Variants in ABCA13 observed in about 807,000 individuals in gnomAD.
The protein encoded by ABCA13 is ATP-binding cassette sub-family A member 13.
ABCA13 carries 476 observed loss-of-function variants against 478.7 expected under a neutral mutation model. That is an observed-to-expected ratio of 0.99 (90% CI 0.92 to 1.07). ABCA13 has a LOEUF of 1.07. ABCA13 is among the 50% of genes least tolerant of loss of function. The pLI is 0.00. For synonymous variants in ABCA13, 2,252 were observed against 2,158.9 expected (o/e 1.04, Z -1.20); for missense variants, 6,060 against 5,910.6 (o/e 1.03, Z -0.83).
Position 48,204,651 on chromosome 7 carries a change from C to T in ABCA13, c.287+6291C>T, listed in dbSNP as rs148112919. Among the ~76,000 whole-genome samples, 206 of 152,310 alleles carry T rather than the reference C, an allele frequency of 1.4e-3. 2 individuals carry two copies. In the Middle Eastern group the frequency reaches 0.027, roughly 20 times the overall value. Reference sequence around the variant, plus strand: ...CAATGATGAGTACTCCCCTCCCCTTCCTCCGCACCTTCCACCGCATGGTCG... The same window carrying T: ...CAATGATGAGTACTCCCCTCCCCTTTCTCCGCACCTTCCACCGCATGGTCG... On this transcript the variant is annotated intron_variant, in intron 3 of 61. Transcript: ENST00000435803.
rs1345763291 is a variant in ABCA13 at position 48,350,644 on chromosome 7, A to C, written c.10206A>C (p.Gly3402=). 5.6e-6 allele frequency: 9 copies of C among 1,611,896 alleles called. No individual in the cohort carries two copies. The highest frequency in any genetic ancestry group is 1.7e-4 in the Middle Eastern group (1 of 6,040). The change falls in exon 30 of 62, where the codon GGA becomes GGC. Residue 3402 remains glycine (G), a splice_region_variant and synonymous_variant. Coordinates refer to ENST00000435803, the MANE Select transcript of ABCA13 (RefSeq NM_152701.5). ...TCCTAATCTGTTCACTTTCCTCAGGAGGGCTGCTGGATGAGATGTTTAACC... is the reference window on the plus strand; with the variant it reads ...TCCTAATCTGTTCACTTTCCTCAGGCGGGCTGCTGGATGAGATGTTTAACC... ...DKLTEKLQTY[G]GLLDEMFNHA...
At chr7:48,200,164 A>T (rs1798469579) in intron 3 of ABCA13, among the ~76,000 whole-genome samples, 1 of 152,212 alleles carries the variant, frequency 6.6e-6, no homozygotes, top group Non-Finnish European at 1.5e-5. Context: ...CAGGAGTTCA[A>T]GACCAGCCTG....
intron 25 of ABCA13, 75 bp from the exon 26 acceptor site, chr7:48,314,157 T>C: frequency 1.4e-6 from 2 of 1,473,630 alleles, no homozygotes; most frequent in Admixed American, 2.2e-5. Flanking sequence ...AGGAAGGAAC[T>C]AGACTTTCAG....
intron 48 of ABCA13, among the ~76,000 whole-genome samples, chr7:48,500,272 G>A (rs1445653614): frequency 1.3e-5 from 2 of 152,108 alleles, no homozygotes; most frequent in Non-Finnish European, 2.9e-5. Flanking sequence ...AAAGAACAAG[G>A]GGTATCATGG....
chr7:48,278,971 C>A lies in ABCA13; in HGVS notation c.7777C>A (p.Pro2593Thr). The change falls in exon 18 of 62, where the codon CCA becomes ACA. Residue 2593 changes from proline to threonine, a missense_variant. By Grantham distance (38) the Pro-to-Thr change is conservative (BLOSUM62 -1). Transcript: ENST00000435803. ...TGAAAAGATAAATGATTTGTTGGTG[C>A]CATTTCTTGACTTGGCCTTTGAAAT... is the stretch of plus-strand genomic sequence containing the variant. Reference protein sequence around the residue: ...TFEKINDLLVPFLDLAFEMIG... With the variant: ...TFEKINDLLVTFLDLAFEMIG... The A allele has an allele frequency of 1.2e-6, 2 of 1,613,284 alleles. No individual in the cohort carries two copies. The highest frequency in any genetic ancestry group is 1.7e-6 in the Non-Finnish European group (2 of 1,179,798).
chr7:48,367,811 G>T lies in ABCA13; in HGVS notation c.10706G>T (p.Gly3569Val). Residue 3569 changes from glycine (G) to valine (V), a missense_variant, in exon 32 of 62, where the codon GGT becomes GTT. Physicochemically the swap from Gly to Val is moderately radical, Grantham distance 109. This residue lies in a region of ABCA13 where 4,423 missense variants were observed against 4,309.1 expected (regional missense o/e 1.03). Coordinates refer to ENST00000435803, the MANE Select transcript of ABCA13 (RefSeq NM_152701.5). ...CCTTACAGATTCCTGAACAACGTTG[G>T]TTTCTTTTTTCCACTGATAATGATG... ...HTSDLFLNNVGFFFPLIMMLT... is the reference protein window; with the variant it reads ...HTSDLFLNNVVFFFPLIMMLT... 1 of 1,568,068 alleles carries T rather than the reference G, an allele frequency of 6.4e-7. No individual in the cohort carries two copies. Among genetic ancestry groups the T allele is most frequent in the Non-Finnish European group, 8.7e-7 (1 of 1,155,020 alleles).
chr7:48,352,220 G>A lies in ABCA13; in HGVS notation c.10421G>A (p.Arg3474Lys). The A allele has an allele frequency of 6.2e-7, 1 of 1,609,952 alleles. No homozygotes were observed. The highest frequency in any genetic ancestry group is 8.5e-7 in the Non-Finnish European group (1 of 1,177,790). ...FSNSLFDKNF[R>K]SESVKLPPHV... ...AATTCCTTATTCGACAAGAACTTCA[G>A]ATCAGAGTCTGTCAAACTGCCACCC... Residue 3474 changes from arginine (R) to lysine (K), a missense_variant, in exon 31 of 62, where the codon AGA becomes AAA. Arg to Lys is a conservative substitution (Grantham distance 26, BLOSUM62 2). Transcript: ENST00000435803.
At chr7:48,306,465 A>G (rs1402061728) in intron 23 of ABCA13, among the ~76,000 whole-genome samples, 1 of 152,138 alleles carries the variant, frequency 6.6e-6, no homozygotes, top group Non-Finnish European at 1.5e-5. Context: ...GTCCATTTTG[A>G]GGGATAGTTT....
Position 48,646,385 on chromosome 7 carries a change from C to T in ABCA13, c.*873C>T, listed in dbSNP as rs996943235. ...AAGAAATGTACATTCTCAGGATCCA[C>T]TCCAGACCTATTGAATCTCAAATTC... On this transcript the variant is annotated 3_prime_UTR_variant, in exon 62 of 62. Transcript: ENST00000435803. 1.3e-5 allele frequency: 2 copies of T among 152,196 alleles called. No individual in the cohort carries two copies. The highest frequency in any genetic ancestry group is 2.9e-5 in the Non-Finnish European group (2 of 68,052). The allele number at this position is 152,196 out of a possible 1,614,324, so 9.4% of individuals were successfully genotyped here.
intron 4 of ABCA13, 116 bp downstream of exon 4, chr7:48,219,621 T>A: frequency 7.6e-7 from 1 of 1,317,194 alleles, no homozygotes; most frequent in Non-Finnish European, 1.0e-6. Flanking sequence ...TGCTAAACTT[T>A]CATAGTGAGT....
At chr7:48,197,103 C>T (rs1584110365) in intron 2 of ABCA13, among the ~76,000 whole-genome samples, 1 of 152,186 alleles carries the variant, frequency 6.6e-6, no homozygotes, top group Admixed American at 6.5e-5. Flanking sequence ...TCTGTTTGTG[C>T]TGGTGAAGTT....
chr7:48,273,890 T>C lies in ABCA13; in HGVS notation c.4224T>C (p.Ser1408=). The C allele has an allele frequency of 6.2e-7, 1 of 1,612,922 alleles. No individual in the cohort carries two copies. Among genetic ancestry groups the C allele is most frequent in the Non-Finnish European group, 8.5e-7 (1 of 1,179,316 alleles). ...TCATAAACCATTTGTATTTGTTGTC[T>C]AACTCCAGTTTTTCACAAGGTCATC... ...LDVINHLYLL[S]NSSFSQGHLQ... Residue 1408 remains serine (S), a synonymous_variant, in exon 17 of 62, where the codon TCT becomes TCC. Coordinates refer to ENST00000435803, the MANE Select transcript of ABCA13 (RefSeq NM_152701.5).
At chr7:48,234,412 A>G (rs1455090920) in intron 8 of ABCA13, among the ~76,000 whole-genome samples, 1 of 152,228 alleles carries the variant, frequency 6.6e-6, no homozygotes, top group Non-Finnish European at 1.5e-5. Context: ...TGCTCTGGGA[A>G]CTAGCAGTGG....
At chr7:48,630,335 C>T (rs1794063239) in intron 59 of ABCA13, among the ~76,000 whole-genome samples, 1 of 152,096 alleles carries the variant, frequency 6.6e-6, no homozygotes, top group Admixed American at 6.6e-5. Context: ...CAAGTAGGCT[C>T]CAGTGTCTAT....
At chr7:48,449,894 T>A (rs1012101380) in intron 42 of ABCA13, among the ~76,000 whole-genome samples, 2 of 152,196 alleles carry the variant, frequency 1.3e-5, no homozygotes, top group African/African-American at 4.8e-5. Context: ...CTGGTTACCC[T>A]CCCTACCTGT....
At chr7:48,496,926 C>T (rs573860383) in intron 48 of ABCA13, among the ~76,000 whole-genome samples, 1 of 151,016 alleles carries the variant, frequency 6.6e-6, no homozygotes, top group Admixed American at 6.6e-5. Flanking sequence ...TTGGTTTTAT[C>T]CTATTTGGGA....
rs535090112 is a variant in ABCA13 at position 48,604,155 on chromosome 7, T to C, written c.14744+9342T>C. 5.3e-5 allele frequency among the ~76,000 whole-genome samples: 8 copies of C among 152,214 alleles called. No homozygotes were observed. The East Asian group carries it at 1.4e-3, about 26-fold the overall frequency. On this transcript the variant is annotated intron_variant, in intron 58 of 61. Transcript: ENST00000435803. Reference sequence around the variant, plus strand: ...TTATTAATCTGGCTAGTAGTCTGTCTATTTTGTTGATCTTTTCAAAAAGCA... The same window carrying C: ...TTATTAATCTGGCTAGTAGTCTGTCCATTTTGTTGATCTTTTCAAAAAGCA...
chr7:48,322,741 A>G lies in ABCA13; in HGVS notation c.9999+5445A>G, dbSNP rs1027619361. ...TTTTGCTTTGTTTTTAAATTAACAT[A>G]GAGTAAGTTCGGCAGGCTTTTTTTC... On this transcript the variant is annotated intron_variant, in intron 27 of 61. Transcript: ENST00000435803. Among the ~76,000 whole-genome samples the G allele has an allele frequency of 2.0e-5, 3 of 152,216 alleles. No homozygotes were observed. The East Asian group carries it at 5.8e-4, about 29-fold the overall frequency.
At chr7:48,201,050 C>G (rs1375984608) in intron 3 of ABCA13, among the ~76,000 whole-genome samples, 1 of 152,054 alleles carries the variant, frequency 6.6e-6, no homozygotes, top group East Asian at 1.9e-4. Flanking sequence ...GCTCACCGCG[C>G]AGAGCTCTCA....
Sources: allele counts gnomAD v4.1 joint callset (sites outside exome capture counted in the v4.1 genomes callset), GRCh38; gene constraint gnomAD v4.1.1; regional missense constraint gnomAD v4.1.1; transcripts MANE v1.5; gene names NCBI Gene and HGNC (gene_info 2026-07-23, HGNC 2026-07-21).